ROBO2: variants seen among roughly 807,000 people sequenced by gnomAD.
The protein encoded by ROBO2 is roundabout homolog 2.
ROBO2 carries 53 observed loss-of-function variants against 160.8 expected under a neutral mutation model. That is an observed-to-expected ratio of 0.33 (90% CI 0.26 to 0.41). ROBO2 has a LOEUF of 0.41. Ranked by LOEUF, ROBO2 falls within the 10% of genes least tolerant of loss-of-function variation. The pLI is 1.00. For synonymous variants in ROBO2, 664 were observed against 611.7 expected (o/e 1.09, Z -1.26); for missense variants, 1,577 against 1,722.4 (o/e 0.92, Z 1.49).
intron 2 of ROBO2, among the ~76,000 whole-genome samples, chr3:76,712,696 A>AT (rs1315198505): frequency 6.6e-6 from 1 of 151,794 alleles, no homozygotes; most frequent in Non-Finnish European, 1.5e-5. Flanking sequence ...AATAATAATA[A>AT]TTAAAAAAAA....
intron 2 of ROBO2, among the ~76,000 whole-genome samples, chr3:77,015,950 A>G (rs1346195843): frequency 6.6e-6 from 1 of 151,784 alleles, no homozygotes; most frequent in African/African-American, 2.4e-5. Flanking sequence ...CTCACTATCC[A>G]TGTTCTAATA....
chr3:76,672,731 T>C (rs974125154), intron 2 of ROBO2, among the ~76,000 whole-genome samples: 49 of 152,254 alleles, frequency 3.2e-4, no homozygotes, highest in African/African-American at 1.1e-3. Flanking sequence ...CCCATCTCCG[T>C]GGCCATGAAC....
chr3:76,494,443 T>G (rs1035396803), intron 2 of ROBO2, among the ~76,000 whole-genome samples: 24 of 152,280 alleles, frequency 1.6e-4, no homozygotes, highest in Admixed American at 1.1e-3. Context: ...AGACATGCAA[T>G]TGTAGGCAAG....
At chr3:77,618,389 T>A (rs563500012) in intron 22 of ROBO2, among the ~76,000 whole-genome samples, 54 of 152,326 alleles carry the variant, frequency 3.5e-4, no homozygotes, top group African/African-American at 1.3e-3. Context: ...TAAACTTTTG[T>A]AAACTACAGG....
At chr3:76,517,709 TA>T (rs1355554026) in intron 2 of ROBO2, among the ~76,000 whole-genome samples, 1 of 152,204 alleles carries the variant, frequency 6.6e-6, no homozygotes, top group Non-Finnish European at 1.5e-5. Flanking sequence ...AAAGTTTAAG[TA>T]ACTTGCTACA....
chr3:77,297,987 A>T (rs542334343), intron 2 of ROBO2, among the ~76,000 whole-genome samples: 3 of 152,246 alleles, frequency 2.0e-5, no homozygotes, highest in South Asian at 4.1e-4. Flanking sequence ...CAGCTGAATG[A>T]GTCCATCAGT....
intron 2 of ROBO2, among the ~76,000 whole-genome samples, chr3:76,010,632 C>G (rs1559829231): frequency 6.6e-6 from 1 of 152,174 alleles, no homozygotes; most frequent in African/African-American, 2.4e-5. Context: ...GGATGCTCAC[C>G]TTGAATGTGA....
chr3:77,492,127 T>C (rs372702862), intron 4 of ROBO2, among the ~76,000 whole-genome samples: 44 of 152,332 alleles, frequency 2.9e-4, no homozygotes, highest in Admixed American at 1.3e-3. Flanking sequence ...TGGCTAAATA[T>C]GTCCAGATGG....
chr3:77,515,373 G>T (rs915748522), intron 5 of ROBO2, among the ~76,000 whole-genome samples: 3 of 151,634 alleles, frequency 2.0e-5, no homozygotes, highest in African/African-American at 7.3e-5. Flanking sequence ...GTACTTTGGA[G>T]TAAGACATCT....
intron 2 of ROBO2, among the ~76,000 whole-genome samples, chr3:76,694,182 A>G (rs1336802869): frequency 6.6e-6 from 1 of 152,216 alleles, no homozygotes; most frequent in African/African-American, 2.4e-5. Flanking sequence ...CCTTCTTGCT[A>G]TGCTTGCATA....
chr3:76,002,571 T>C (rs1184720058), intron 2 of ROBO2, among the ~76,000 whole-genome samples: 1 of 152,186 alleles, frequency 6.6e-6, no homozygotes, highest in Non-Finnish European at 1.5e-5. Context: ...TCTCATTTTC[T>C]CTTGCCTGCC....
At chr3:77,128,266 TATATG>T (rs1160119200) in intron 2 of ROBO2, among the ~76,000 whole-genome samples, 3 of 152,168 alleles carry the variant, frequency 2.0e-5, no homozygotes, top group African/African-American at 4.8e-5. Context: ...GCTTGAAACC[TATATG>T]AATGTAAACA....
intron 2 of ROBO2, among the ~76,000 whole-genome samples, chr3:75,952,856 T>A (rs1281765572): frequency 6.6e-6 from 1 of 152,002 alleles, no homozygotes; most frequent in African/African-American, 2.4e-5. Flanking sequence ...TCCATGGTTT[T>A]GCTTTTTCCA....
intron 2 of ROBO2, among the ~76,000 whole-genome samples, chr3:77,319,961 A>G (rs1036891979): frequency 2.6e-5 from 4 of 152,184 alleles, no homozygotes; most frequent in African/African-American, 7.2e-5. Flanking sequence ...ATCAGCTGCA[A>G]TTGTATGCCT....
chr3:77,124,329 G>A lies in ROBO2; in HGVS notation c.388+25989G>A, dbSNP rs74902092. Among the ~76,000 whole-genome samples, 20 of 152,156 alleles carry A rather than the reference G, an allele frequency of 1.3e-4. No individual in the cohort carries two copies. In the East Asian group the frequency reaches 2.9e-3, roughly 22 times the overall value. ...GGAGCATATCAGAAGGAAATAGCACGGTGAAAGTAGACATTTCAAGCCGGG... is the reference window on the plus strand; with the variant it reads ...GGAGCATATCAGAAGGAAATAGCACAGTGAAAGTAGACATTTCAAGCCGGG... On this transcript the variant is annotated intron_variant, in intron 2 of 25. Coordinates refer to ENST00000461745, the Ensembl canonical transcript of ROBO2.
At chr3:77,307,964 G>GA (rs374661768) in intron 2 of ROBO2, among the ~76,000 whole-genome samples, 105 of 148,584 alleles carry the variant, frequency 7.1e-4, no homozygotes, top group African/African-American at 2.4e-3. Flanking sequence ...CTCAAAAAAA[G>GA]AAAAAAAAAG....
chr3:76,890,010 G>A (rs565572106), intron 2 of ROBO2, among the ~76,000 whole-genome samples: 21 of 152,232 alleles, frequency 1.4e-4, no homozygotes, highest in Middle Eastern at 3.4e-3. Context: ...GAAGCAAGTA[G>A]TAAAGGGCCG....
At chr3:76,544,574 G>A (rs753484608) in intron 2 of ROBO2, among the ~76,000 whole-genome samples, 4 of 151,982 alleles carry the variant, frequency 2.6e-5, no homozygotes, top group East Asian at 1.9e-4. Context: ...ATGACTTTAT[G>A]TAGTTTTAAA....
rs150542516 is a variant in ROBO2, at chr3:77,541,048, T to C, written c.935-5290T>C. On this transcript the variant is annotated intron_variant, in intron 6 of 25. Transcript: ENST00000461745. Reference sequence around the variant, plus strand: ...TAAATATATGAAATAGCAAAAAAAATTCTACTTGAGTTTGTCAAAAAATTC... The same window carrying C: ...TAAATATATGAAATAGCAAAAAAAACTCTACTTGAGTTTGTCAAAAAATTC... 2.6e-5 allele frequency among the ~76,000 whole-genome samples: 4 copies of C among 152,228 alleles called. No individual in the cohort carries two copies. In the East Asian group the frequency reaches 7.7e-4, roughly 29 times the overall value.
Sources: allele counts gnomAD v4.1 joint callset (sites outside exome capture counted in the v4.1 genomes callset), GRCh38; gene constraint gnomAD v4.1.1; transcripts MANE v1.5; gene names NCBI Gene and HGNC (gene_info 2026-07-23, HGNC 2026-07-21).